The following AMMECR1 variants were observed in gnomAD, a reference collection of about 807,000 sequenced individuals.
The protein encoded by AMMECR1 is AMMECR nuclear protein 1.
Under a neutral mutation model 22.5 loss-of-function variants are expected in AMMECR1, and 3 were observed. The observed-to-expected ratio is 0.13, with a 90% confidence interval of 0.06 to 0.35. The LOEUF (loss-of-function observed/expected upper bound fraction) is 0.35. Among genes scored for constraint, AMMECR1 ranks in the 10% least tolerant of loss-of-function variants. AMMECR1 has a pLI of 1.00. For missense variants in AMMECR1, 235 were observed against 278.7 expected (o/e 0.84, Z 1.12); for synonymous variants, 130 against 116.7 (o/e 1.11, Z -0.74).
At chrX:110,231,343 A>C (rs1602802672) in intron 2 of AMMECR1, among the ~76,000 whole-genome samples, 1 of 112,495 alleles carries the variant, frequency 8.9e-6, no homozygotes, top group African/African-American at 3.2e-5. Context: ...AAGACAGAAG[A>C]GAGTGGGGGC....
At chrX:110,413,523 C>A (rs892578143) in intron 2 of AMMECR1, among the ~76,000 whole-genome samples, 6 of 105,555 alleles carry the variant, frequency 5.7e-5, no homozygotes, top group Non-Finnish European at 7.9e-5. Flanking sequence ...AACCCCCCCC[C>A]ACCCCCACAT....
At chrX:110,401,565 G>A (rs1194589545) in intron 2 of AMMECR1, among the ~76,000 whole-genome samples, 1 of 111,734 alleles carries the variant, frequency 8.9e-6, no homozygotes, top group Admixed American at 9.4e-5. Context: ...GAGGCATGTA[G>A]GTGTTTCTGT....
At position 110,196,731 on chromosome X, in the gene AMMECR1, C is replaced by A. The variant is rs779327171; in HGVS notation, c.*1789G>T. The A allele has an allele frequency of 8.9e-6, 1 of 111,934 alleles. No homozygotes were observed. The highest frequency in any genetic ancestry group is 3.2e-5 in the African/African-American group (1 of 30,880). 9.2% of individuals were successfully genotyped at this position (111,934 alleles called of 1,213,427 possible). On this transcript the variant is annotated 3_prime_UTR_variant, in exon 6 of 6. Coordinates refer to ENST00000262844, the MANE Select transcript of AMMECR1 (RefSeq NM_015365.3). ...CTGTGGATGAAGGAATACCAACAAACTTCTAAGAACTCTCATCAAAAACTA... is the reference window on the plus strand; with the variant it reads ...CTGTGGATGAAGGAATACCAACAAAATTCTAAGAACTCTCATCAAAAACTA...
chrX:110,382,326 GA>G (rs367625900), intron 2 of AMMECR1, among the ~76,000 whole-genome samples: 1,367 of 105,449 alleles, frequency 0.013, 16 homozygotes, highest in Middle Eastern at 0.029. Context: ...AATTGTACAG[GA>G]AAAAAAAAAC....
chrX:110,228,003 C>A (rs2148178519), intron 2 of AMMECR1, among the ~76,000 whole-genome samples: 1 of 112,159 alleles, frequency 8.9e-6, no homozygotes, highest in East Asian at 2.8e-4. Flanking sequence ...TTTATTGAAT[C>A]ATTCCTTGAT....
At position 110,361,324 on chromosome X, in the gene AMMECR1, T is replaced by C. The variant is rs1441851300; in HGVS notation, c.-147-43475A>G. On this transcript the variant is annotated intron_variant, in intron 2 of 7. Transcript: ENST00000372057. ...TAGAATCTGACCACTTTTTCATTGC[T>C]ACTATCCTGGTTTATGTCACAATGA... 8.0e-5 allele frequency among the ~76,000 whole-genome samples: 9 copies of C among 112,010 alleles called. No homozygotes were observed. In the Admixed American group the frequency reaches 8.6e-4, roughly 11 times the overall value.
chrX:110,425,978 G>A (rs752338657), intron 2 of AMMECR1, among the ~76,000 whole-genome samples: 93 of 110,102 alleles, frequency 8.4e-4, no homozygotes, highest in African/African-American at 2.4e-3. Flanking sequence ...GCGTGCGTGC[G>A]CGCACACACA....
At chrX:110,312,320 A>G (rs561805852) in intron 1 of AMMECR1, among the ~76,000 whole-genome samples, 2 of 112,739 alleles carry the variant, frequency 1.8e-5, no homozygotes, top group Non-Finnish European at 3.7e-5. Flanking sequence ...AAAGACAACA[A>G]CACACATGTT....
At chrX:110,252,091 C>G (rs2067688971) in intron 2 of AMMECR1, among the ~76,000 whole-genome samples, 1 of 111,054 alleles carries the variant, frequency 9.0e-6, no homozygotes, top group South Asian at 3.7e-4. Flanking sequence ...CTAATCCTCA[C>G]AACAAACTTA....
Position 110,430,084 on chromosome X carries a change from T to C in AMMECR1, c.-293-3281A>G, listed in dbSNP as rs368509913. Among the ~76,000 whole-genome samples, 8 of 112,476 alleles carry C rather than the reference T, an allele frequency of 7.1e-5. No homozygotes were observed. In the East Asian group the frequency reaches 2.0e-3, roughly 28 times the overall value. On this transcript the variant is annotated intron_variant, in intron 1 of 7. Transcript: ENST00000372057. ...TCCAAGTGCATCAGGGCACTATTAA[T>C]CCAGGAGTTCTTCCAGTGAATTGTT...
chrX:110,431,306 G>A (rs762011616), intron 1 of AMMECR1, among the ~76,000 whole-genome samples: 40 of 101,895 alleles, frequency 3.9e-4, no homozygotes, highest in African/African-American at 1.3e-3. Flanking sequence ...TTCATGAGAA[G>A]GAAAATGAGG....
chrX:110,259,925 G>A (rs1005404927), intron 2 of AMMECR1, among the ~76,000 whole-genome samples: 1 of 111,131 alleles, frequency 9.0e-6, no homozygotes, highest in Non-Finnish European at 1.9e-5. Flanking sequence ...ATCTATATTA[G>A]TGGTAATTTT....
chrX:110,286,487 T>C (rs948175752), intron 1 of AMMECR1, among the ~76,000 whole-genome samples: 2 of 108,497 alleles, frequency 1.8e-5, no homozygotes, highest in Non-Finnish European at 3.8e-5. Flanking sequence ...CTGAGCAACA[T>C]AGCAAAAACC....
At chrX:110,254,239 AC>A (rs1022191590) in intron 2 of AMMECR1, among the ~76,000 whole-genome samples, 16 of 112,065 alleles carry the variant, frequency 1.4e-4, no homozygotes, top group African/African-American at 4.9e-4. Flanking sequence ...ATGAATTATG[AC>A]TGTACAAATC....
At chrX:110,247,597 AG>A (rs2067664879) in intron 2 of AMMECR1, among the ~76,000 whole-genome samples, 1 of 110,580 alleles carries the variant, frequency 9.0e-6, no homozygotes, top group Non-Finnish European at 1.9e-5. Context: ...TGGCTGAGGT[AG>A]GAGAATCACT....
intron 2 of AMMECR1, among the ~76,000 whole-genome samples, chrX:110,356,969 C>T (rs757529906): frequency 9.0e-6 from 1 of 111,685 alleles, no homozygotes; most frequent in African/African-American, 3.2e-5. Flanking sequence ...ATGAGTAGCT[C>T]AATGAATTTA....
At chrX:110,439,703 C>T (rs2068865765) in intron 1 of AMMECR1, among the ~76,000 whole-genome samples, 1 of 111,243 alleles carries the variant, frequency 9.0e-6, no homozygotes, top group Non-Finnish European at 1.9e-5. Context: ...AAAGAACGAA[C>T]AGGCATTTTC....
intron 2 of AMMECR1, among the ~76,000 whole-genome samples, chrX:110,387,775 T>G (rs748964224): frequency 2.2e-4 from 24 of 111,302 alleles, no homozygotes; most frequent in African/African-American, 7.8e-4. Context: ...ATGCATATTG[T>G]TTAGTAGCAT....
intron 2 of AMMECR1, among the ~76,000 whole-genome samples, chrX:110,396,479 G>A (rs1440220696): frequency 8.9e-6 from 1 of 111,770 alleles, no homozygotes; most frequent in African/African-American, 3.3e-5. Context: ...TTCAAACCAT[G>A]CTCTTGAGCA....
Sources: gnomAD v4.1 joint callset for allele counts (sites outside exome capture counted in the v4.1 genomes callset) on GRCh38, gnomAD v4.1.1 for gene constraint, MANE v1.5 for transcripts, NCBI Gene and HGNC (gene_info 2026-07-23, HGNC 2026-07-21) for gene names.